The following CEP112 variants were observed in gnomAD, a reference collection of about 807,000 sequenced individuals.
CEP112 encodes centrosomal protein 112, also known as centrosomal protein of 112 kDa.
A neutral mutation model predicts 153.0 loss-of-function variants in CEP112; 127 were observed. That is an observed-to-expected ratio of 0.83 (90% CI 0.72 to 0.96). CEP112 has a LOEUF of 0.96. Among genes scored for constraint, CEP112 ranks in the 40% least tolerant of loss-of-function variants. The pLI is 0.00. For synonymous variants in CEP112, 358 were observed against 374.4 expected, an observed-to-expected ratio of 0.96 and a Z score of 0.51; for missense variants, 1,089 against 1,101.2, an observed-to-expected ratio of 0.99 and a Z score of 0.16.
chr17:66,041,867 A>C (rs963313461), intron 12 of CEP112, among the ~76,000 whole-genome samples: 1 of 152,222 alleles, frequency 6.6e-6, no homozygotes, highest in Admixed American at 6.5e-5. Flanking sequence ...ATTTATATAG[A>C]TACCCCACCC....
chr17:65,798,244 A>AT lies in CEP112; in HGVS notation c.2395-47521dup, dbSNP rs561370738. 5.1e-3 allele frequency among the ~76,000 whole-genome samples: 783 copies of AT among 152,290 alleles called. 4 individuals carry two copies. Among genetic ancestry groups the AT allele is most frequent in the Non-Finnish European group, 7.5e-3 (511 of 68,026 alleles). On this transcript the variant is annotated intron_variant, in intron 21 of 26. Transcript: ENST00000535342. ...TGATCTCCTCTCCAGGTATTTAGTC[A>AT]TAAAAAAAACACATTATATATTTAT...
chr17:65,856,661 G>A (rs2058130507), intron 20 of CEP112, among the ~76,000 whole-genome samples: 1 of 152,130 alleles, frequency 6.6e-6, no homozygotes, highest in African/African-American at 2.4e-5. Context: ...ATATTGCATA[G>A]TGGTAAAATC....
chr17:66,028,110 T>C (rs1196900851), intron 15 of CEP112, among the ~76,000 whole-genome samples: 1 of 115,374 alleles, frequency 8.7e-6, no homozygotes. Context: ...CCAATTCAAA[T>C]TATTGTACTT....
At chr17:66,111,939 A>G (rs1455255598) in intron 6 of CEP112, among the ~76,000 whole-genome samples, 1 of 152,188 alleles carries the variant, frequency 6.6e-6, no homozygotes, top group Admixed American at 6.5e-5. Flanking sequence ...CAAGTCATAA[A>G]CTGAGAGATG....
chr17:65,736,725 G>A (rs914443131), intron 23 of CEP112, among the ~76,000 whole-genome samples: 2 of 152,114 alleles, frequency 1.3e-5, no homozygotes, highest in African/African-American at 2.4e-5. Flanking sequence ...AGATGTTCAC[G>A]GTCTTCTAAC....
intron 17 of CEP112, among the ~76,000 whole-genome samples, chr17:65,989,149 G>A (rs1364768161): frequency 6.6e-6 from 1 of 151,060 alleles, no homozygotes; most frequent in African/African-American, 2.4e-5. Flanking sequence ...GCAGAAGAAT[G>A]GCATGAACCC....
intron 19 of CEP112, among the ~76,000 whole-genome samples, chr17:65,924,592 C>T (rs926241443): frequency 2.0e-5 from 3 of 152,114 alleles, no homozygotes; most frequent in African/African-American, 7.2e-5. Context: ...AGTAACAGGT[C>T]CTTGCCCCAT....
At chr17:66,110,816 A>C (rs1451783841) in intron 6 of CEP112, among the ~76,000 whole-genome samples, 1 of 152,182 alleles carries the variant, frequency 6.6e-6, no homozygotes, top group African/African-American at 2.4e-5. Context: ...TTTTATGACA[A>C]AGACACCAAA....
chr17:66,127,977 A>G (rs1451134122), intron 6 of CEP112, among the ~76,000 whole-genome samples: 1 of 151,988 alleles, frequency 6.6e-6, no homozygotes, highest in East Asian at 1.9e-4. Context: ...CCCTCCTCCC[A>G]GCAATCATAC....
At chr17:65,897,653 T>C (rs2059702759) in intron 20 of CEP112, among the ~76,000 whole-genome samples, 1 of 152,080 alleles carries the variant, frequency 6.6e-6, no homozygotes, top group African/African-American at 2.4e-5. Flanking sequence ...ACTCATAATA[T>C]CTACAAAATT....
chr17:65,771,848 C>A (rs1451959614), intron 21 of CEP112, among the ~76,000 whole-genome samples: 3 of 151,764 alleles, frequency 2.0e-5, no homozygotes, highest in Admixed American at 6.6e-5. Context: ...GACCCCATGT[C>A]TAAGAAAAAA....
chr17:66,162,606 T>G (rs1266366734), intron 4 of CEP112, among the ~76,000 whole-genome samples: 2 of 152,184 alleles, frequency 1.3e-5, no homozygotes, highest in Non-Finnish European at 2.9e-5. Flanking sequence ...CATTGCTAAA[T>G]GCAACAACAT....
intron 16 of CEP112, among the ~76,000 whole-genome samples, chr17:66,027,280 G>A (rs1171689217): frequency 6.6e-6 from 1 of 152,086 alleles, no homozygotes; most frequent in Admixed American, 6.5e-5. Flanking sequence ...AAGAGGCTGA[G>A]GCATGAGAAT....
intron 17 of CEP112, among the ~76,000 whole-genome samples, chr17:65,974,886 G>A (rs2062973653): frequency 6.6e-6 from 1 of 151,934 alleles, no homozygotes; most frequent in Non-Finnish European, 1.5e-5. Flanking sequence ...AAGGTAGGGT[G>A]ACACCTCTCT....
chr17:65,963,220 T>C (rs565065311), intron 17 of CEP112, among the ~76,000 whole-genome samples: 169 of 138,848 alleles, frequency 1.2e-3, no homozygotes, highest in Non-Finnish European at 2.0e-3. Flanking sequence ...TGGGAAAGCT[T>C]ACACAAGTGA....
Position 65,635,791 on chromosome 17 carries a change from GACACAAATAAA to G in CEP112, c.*169_*179del. 1.7e-6 allele frequency: 1 copy of G among 603,938 alleles called. No homozygotes were observed. Among genetic ancestry groups the G allele is most frequent in the Admixed American group, 3.5e-5 (1 of 28,710 alleles). The allele number at this position is 603,938 out of a possible 1,614,324, so 37.4% of individuals were successfully genotyped here. On this transcript the variant is annotated 3_prime_UTR_variant, in exon 27 of 27. Coordinates refer to ENST00000535342, the MANE Select transcript of CEP112 (RefSeq NM_001199165.4). ...GAATGTTAAAAAAATAACTTAGGCAGACACAAATAAAACCACCCCACTAGTGTATGAATGAT... is the reference window on the plus strand; with the variant it reads ...GAATGTTAAAAAAATAACTTAGGCAGACCACCCCACTAGTGTATGAATGAT...
intron 21 of CEP112, among the ~76,000 whole-genome samples, chr17:65,776,516 T>C (rs2318871): frequency 0.61 from 93,157 of 151,764 alleles, 29,389 homozygotes; most frequent in Non-Finnish European, 0.68. Flanking sequence ...TGAGCCACCG[T>C]GCCCGGCCAG....
At chr17:65,852,399 C>T (rs189379026) in intron 20 of CEP112, among the ~76,000 whole-genome samples, 309 of 20,918 alleles carry the variant, frequency 0.015, 2 homozygotes, top group East Asian at 0.061. Context: ...CCCTCCCTTC[C>T]CTCTCCCTCC....
intron 16 of CEP112, among the ~76,000 whole-genome samples, chr17:66,012,737 G>T (rs1731176904): frequency 6.6e-6 from 1 of 152,070 alleles, no homozygotes; most frequent in African/African-American, 2.4e-5. Flanking sequence ...ACTTTGCAAA[G>T]GTTCTCTGCA....
Sources: gnomAD v4.1 joint callset for allele counts (sites outside exome capture counted in the v4.1 genomes callset) on GRCh38, gnomAD v4.1.1 for gene constraint, MANE v1.5 for transcripts, NCBI Gene and HGNC (gene_info 2026-07-23, HGNC 2026-07-21) for gene names.